Variants in C22orf31 observed in about 807,000 individuals in gnomAD.
The protein encoded by C22orf31 is uncharacterized protein C22orf31.
In C22orf31, 11 loss-of-function variants were observed where a neutral mutation model predicts 15.0. The observed-to-expected ratio is 0.73, with a 90% CI of 0.46 to 1.21. C22orf31 has a LOEUF of 1.21. Ranked by LOEUF, C22orf31 falls within the 50% of genes most tolerant of loss-of-function variation. The pLI, the probability that C22orf31 is intolerant of heterozygous loss-of-function variation, is 0.00. For missense variants in C22orf31, 340 were observed against 347.2 expected, an observed-to-expected ratio of 0.98 and a Z score of 0.17; for synonymous variants, 132 against 133.3, an observed-to-expected ratio of 0.99 and a Z score of 0.07.
At chr22:29,060,943 G>T in intron 1 of C22orf31, 100 bp from the exon 2 acceptor site, 1 of 982,228 alleles carries the variant, frequency 1.0e-6, no homozygotes, top group Non-Finnish European at 1.5e-6. Context: ...TCTTTTTATA[G>T]GCCATTCCTT....
upstream of C22orf31, among the ~76,000 whole-genome samples, chr22:29,063,919 G>A (rs969627266): frequency 6.6e-6 from 1 of 152,202 alleles, no homozygotes; most frequent in Non-Finnish European, 1.5e-5. Context: ...CCAGGCTGGA[G>A]TGCAGTGGCA....
upstream of C22orf31, among the ~76,000 whole-genome samples, chr22:29,063,950 C>T (rs1264458776): frequency 1.3e-5 from 2 of 152,246 alleles, 1 homozygote; most frequent in Admixed American, 1.3e-4. Context: ...TCACTGCAAC[C>T]CCCACCTCCC....
chr22:29,068,701 T>C, the C22orf31 span, among the ~76,000 whole-genome samples: 2 of 146,766 alleles, frequency 1.4e-5, no homozygotes, highest in Admixed American at 1.4e-4. Context: ...TAAGCCACCG[T>C]GCCCGGCAAG....
At chr22:29,067,095 G>A in the C22orf31 span, among the ~76,000 whole-genome samples, 1 of 152,162 alleles carries the variant, frequency 6.6e-6, no homozygotes, top group Non-Finnish European at 1.5e-5. Context: ...GAGGCTGAAG[G>A]AAAATCGGGA....
chr22:29,063,347 G>A (rs2037408747), upstream of C22orf31, among the ~76,000 whole-genome samples: 1 of 152,052 alleles, frequency 6.6e-6, no homozygotes, highest in African/African-American at 2.4e-5. Flanking sequence ...TGTATTTTTA[G>A]TAGAGATGAG....
chr22:29,069,117 A>G, the C22orf31 span, among the ~76,000 whole-genome samples: 1 of 152,166 alleles, frequency 6.6e-6, no homozygotes. Context: ...TTCAAAGCCC[A>G]GCTCTAACAC....
chr22:29,072,995 GGGCCGGGGCGGGGCGGCCGGGC>G, the C22orf31 span: 19 of 152,512 alleles, frequency 1.2e-4, no homozygotes, highest in East Asian at 1.4e-3. Context: ...TGAGCTGGGC[GGGCCGGGGCGGGGCGGCCGGGC>G]GGCCGGGGCG....
At chr22:29,059,565 C>T in intron 2 of C22orf31, 2 of 386,864 alleles carry the variant, frequency 5.2e-6, no homozygotes, top group Non-Finnish European at 7.1e-6. Context: ...GGCCGTTATC[C>T]CCCATTTAAT....
the C22orf31 span, among the ~76,000 whole-genome samples, chr22:29,067,366 A>G: frequency 6.6e-6 from 1 of 151,302 alleles, no homozygotes; most frequent in East Asian, 1.9e-4. Flanking sequence ...GCTCTGGACC[A>G]CTCAGTAAGC....
the C22orf31 span, among the ~76,000 whole-genome samples, chr22:29,069,406 T>C: frequency 5.3e-3 from 801 of 152,182 alleles, 4 homozygotes; most frequent in African/African-American, 0.019. Context: ...AACTCCAACA[T>C]TGTAGGTCTC....
chr22:29,059,722 G>A, intron 2 of C22orf31: 1 of 985,334 alleles, frequency 1.0e-6, no homozygotes, highest in Non-Finnish European at 1.2e-6. Context: ...AGTTCTCCAT[G>A]TGGACGCTCA....
intron 2 of C22orf31, chr22:29,059,852 C>G (rs1282007693): frequency 1.0e-6 from 1 of 985,046 alleles, no homozygotes; most frequent in Non-Finnish European, 1.2e-6. Flanking sequence ...CAAGTCTGTG[C>G]TTATGAAAGC....
In C22orf31 at chr22:29,060,136, A is replaced by G. The variant is rs181281468; in HGVS notation, c.432+279T>C. On this transcript the variant is annotated intron_variant, in intron 2 of 2. Coordinates refer to ENST00000216071, the MANE Select transcript of C22orf31 (RefSeq NM_015370.2). ...AGCCTCAACCTCCTGGGTTCAAGTA[A>G]TCCTCCCTCCTTAGCCTCCCAAGTA... 7.0e-5 allele frequency: 18 copies of G among 258,474 alleles called. No homozygotes were observed. In the East Asian group the frequency reaches 2.6e-3, roughly 37 times the overall value. 16.0% of individuals were successfully genotyped at this position (258,474 alleles called of 1,614,324 possible).
chr22:29,070,888 G>A, the C22orf31 span, among the ~76,000 whole-genome samples: 3 of 152,192 alleles, frequency 2.0e-5, no homozygotes, highest in Admixed American at 6.5e-5. Context: ...CAAGAGGAAG[G>A]TTTGGTCTTG....
At chr22:29,069,458 G>A in the C22orf31 span, among the ~76,000 whole-genome samples, 3 of 152,130 alleles carry the variant, frequency 2.0e-5, no homozygotes, top group Non-Finnish European at 4.4e-5. Context: ...AGGAAGAAAG[G>A]GGCCTTACTT....
upstream of C22orf31, among the ~76,000 whole-genome samples, chr22:29,064,194 C>G (rs1026052232): frequency 6.6e-6 from 1 of 152,192 alleles, no homozygotes; most frequent in Non-Finnish European, 1.5e-5. Context: ...TAAACACTCA[C>G]AGTTATCACC....
chr22:29,061,409 G>T (rs1479548612), intron 1 of C22orf31, among the ~76,000 whole-genome samples: 1 of 152,048 alleles, frequency 6.6e-6, no homozygotes, highest in Non-Finnish European at 1.5e-5. Context: ...TGAGATTACA[G>T]GCATGCACCA....
upstream of C22orf31, among the ~76,000 whole-genome samples, chr22:29,064,264 A>G (rs1240625451): frequency 2.0e-5 from 3 of 152,124 alleles, no homozygotes; most frequent in Non-Finnish European, 4.4e-5. Context: ...GCCCAGTTCT[A>G]GTCCTGTCCT....
chr22:29,072,233 C>G, the C22orf31 span, among the ~76,000 whole-genome samples: 1 of 152,160 alleles, frequency 6.6e-6, no homozygotes, highest in Non-Finnish European at 1.5e-5. Context: ...CAAGCCCGAC[C>G]TCCAGGGCTC....
Sources: gnomAD v4.1 joint callset for allele counts (sites outside exome capture counted in the v4.1 genomes callset) on GRCh38, gnomAD v4.1.1 for gene constraint, MANE v1.5 for transcripts, NCBI Gene and HGNC (gene_info 2026-07-23, HGNC 2026-07-21) for gene names.